Variants in STAG1 observed in about 807,000 individuals in gnomAD.
The protein encoded by STAG1 is cohesin subunit SA-1.
In STAG1, 26 loss-of-function variants were observed where a neutral mutation model predicts 170.9. That is an observed-to-expected ratio of 0.15 (90% confidence interval 0.11 to 0.21). STAG1 has a LOEUF of 0.21. Ranked by LOEUF, STAG1 falls within the 10% of genes least tolerant of loss-of-function variation. The pLI is 1.00. For missense variants in STAG1, 964 were observed against 1,509.5 expected (o/e 0.64, Z 5.99); for synonymous variants, 514 against 497.7 (o/e 1.03, Z -0.44).
Position 136,739,515 on chromosome 3 carries a change from A to G in STAG1, c.-84+12680T>C, listed in dbSNP as rs559144033. On this transcript the variant is annotated intron_variant, in intron 1 of 33. Coordinates refer to ENST00000383202, the MANE Select transcript of STAG1 (RefSeq NM_005862.3). Reference sequence around the variant, plus strand: ...CAACAGACTCCGTCAAAAAAAAAAAAAAAAGAAAAAAAAAAAAAGAAAGGC... The same window carrying G: ...CAACAGACTCCGTCAAAAAAAAAAAGAAAAGAAAAAAAAAAAAAGAAAGGC... Among the ~76,000 whole-genome samples, 874 of 149,108 alleles carry G rather than the reference A, an allele frequency of 5.9e-3. 3 individuals are homozygous for G. Among genetic ancestry groups the G allele is most frequent in the Non-Finnish European group, 9.2e-3 (624 of 67,466 alleles).
chr3:136,509,300 A>G (rs1462321483), intron 7 of STAG1, among the ~76,000 whole-genome samples: 1 of 152,194 alleles, frequency 6.6e-6, no homozygotes, highest in African/African-American at 2.4e-5. Flanking sequence ...CTTTGAGGAG[A>G]AAGTATAAAA....
chr3:136,413,241 CTATA>C (rs1428135551), intron 21 of STAG1, among the ~76,000 whole-genome samples: 1 of 147,474 alleles, frequency 6.8e-6, no homozygotes, highest in Non-Finnish European at 1.5e-5. Flanking sequence ...ATAATGTATA[CTATA>C]TATAATATAT....
At chr3:136,644,814 C>T (rs1273816833) in intron 1 of STAG1, among the ~76,000 whole-genome samples, 4 of 152,076 alleles carry the variant, frequency 2.6e-5, no homozygotes, top group Non-Finnish European at 5.9e-5. Flanking sequence ...TCCCCTTCAC[C>T]GGCTCAAGCC....
At chr3:136,716,394 C>A (rs548507901) in intron 1 of STAG1, among the ~76,000 whole-genome samples, 3 of 151,604 alleles carry the variant, frequency 2.0e-5, no homozygotes, top group Non-Finnish European at 2.9e-5. Context: ...ACCCTACAGG[C>A]AGCGGTTGCA....
chr3:136,596,863 A>C (rs528334953), intron 4 of STAG1, among the ~76,000 whole-genome samples: 1 of 152,318 alleles, frequency 6.6e-6, no homozygotes, highest in South Asian at 2.1e-4. Flanking sequence ...GCTTGAGGCC[A>C]GGAGTTCAAG....
intron 15 of STAG1, among the ~76,000 whole-genome samples, chr3:136,438,231 GTTTCT>G (rs1272290156): frequency 7.6e-6 from 1 of 131,022 alleles, no homozygotes; most frequent in African/African-American, 2.6e-5. Flanking sequence ...TTATCGTTTA[GTTTCT>G]TTTCTTTTTT....
At chr3:136,718,342 T>C (rs1239370691) in intron 1 of STAG1, among the ~76,000 whole-genome samples, 2 of 152,186 alleles carry the variant, frequency 1.3e-5, no homozygotes, top group African/African-American at 4.8e-5. Context: ...TTCATCTGTA[T>C]TGTATGAAAT....
At chr3:136,650,121 G>C (rs1304445517) in intron 1 of STAG1, among the ~76,000 whole-genome samples, 4 of 151,438 alleles carry the variant, frequency 2.6e-5, no homozygotes, top group African/African-American at 9.7e-5. Flanking sequence ...CTGTAGCCCC[G>C]GCTACTCTGG....
intron 4 of STAG1, among the ~76,000 whole-genome samples, chr3:136,603,474 T>C (rs1208307379): frequency 1.3e-5 from 2 of 152,158 alleles, no homozygotes; most frequent in Non-Finnish European, 2.9e-5. Context: ...ATGATAGTGA[T>C]AAAAATATAC....
chr3:136,342,022 A>T (rs977014548), intron 30 of STAG1, among the ~76,000 whole-genome samples: 22 of 145,808 alleles, frequency 1.5e-4, no homozygotes, highest in African/African-American at 5.3e-4. Context: ...CCTCTAAGGA[A>T]TTTTTTTTTT....
At chr3:136,540,847 A>AC (rs1935859912) in intron 6 of STAG1, among the ~76,000 whole-genome samples, 1 of 145,460 alleles carries the variant, frequency 6.9e-6, no homozygotes, top group East Asian at 1.9e-4. Flanking sequence ...AAAAAAAAAA[A>AC]AAAAACCTAT....
chr3:136,540,821 C>CAAAAAAA (rs1425631397), intron 6 of STAG1, among the ~76,000 whole-genome samples: 1 of 11,196 alleles, frequency 8.9e-5, no homozygotes, highest in Non-Finnish European at 1.6e-4. Context: ...AACTGTGTCT[C>CAAAAAAA]CAAAAAAAAA....
chr3:136,635,985 C>T lies in STAG1; in HGVS notation c.-83-5004G>A, dbSNP rs113975418. 1.8e-4 allele frequency among the ~76,000 whole-genome samples: 28 copies of T among 152,294 alleles called. 1 individual carries two copies. The highest frequency in any genetic ancestry group is 6.3e-4 in the African/African-American group (26 of 41,572). On this transcript the variant is annotated intron_variant, in intron 1 of 33. Coordinates refer to ENST00000383202, the MANE Select transcript of STAG1 (RefSeq NM_005862.3). ...TCCAGAGGCCGGGCACCATGGCTCA[C>T]GCCTGTAATCCCAGCACTTTGGGAA...
intron 3 of STAG1, among the ~76,000 whole-genome samples, chr3:136,615,351 T>G (rs1315352719): frequency 2.1e-5 from 3 of 141,066 alleles, no homozygotes; most frequent in African/African-American, 5.1e-5. Context: ...CCACACTTTT[T>G]CATAAAATGG....
At chr3:136,360,871 T>A (rs1936837446) in intron 26 of STAG1, among the ~76,000 whole-genome samples, 1 of 152,248 alleles carries the variant, frequency 6.6e-6, no homozygotes, top group East Asian at 1.9e-4. Context: ...GGTTTCACCA[T>A]GTTAGCCAGG....
chr3:136,360,470 ATTTCT>A (rs1367545912), intron 26 of STAG1, among the ~76,000 whole-genome samples: 1 of 152,266 alleles, frequency 6.6e-6, no homozygotes, highest in East Asian at 1.9e-4. Context: ...TATTGTTGAC[ATTTCT>A]TTTCTTCAGT....
At chr3:136,438,731 C>T (rs1390396695) in intron 15 of STAG1, among the ~76,000 whole-genome samples, 2 of 151,982 alleles carry the variant, frequency 1.3e-5, no homozygotes, top group Non-Finnish European at 2.9e-5. Context: ...TAGTATAACA[C>T]TATACGCTCA....
chr3:136,366,009 CT>C (rs113681272), intron 25 of STAG1, among the ~76,000 whole-genome samples: 7 of 151,884 alleles, frequency 4.6e-5, no homozygotes, highest in African/African-American at 1.4e-4. Flanking sequence ...GAAGTCTTCT[CT>C]TGCTCCTCTC....
At chr3:136,520,266 T>C (rs986287802) in intron 7 of STAG1, among the ~76,000 whole-genome samples, 1 of 152,142 alleles carries the variant, frequency 6.6e-6, no homozygotes, top group African/African-American at 2.4e-5. Context: ...TAGGTGATTC[T>C]GGTGTGTGCT....
Sources: gnomAD v4.1 joint callset for allele counts (sites outside exome capture counted in the v4.1 genomes callset) on GRCh38, gnomAD v4.1.1 for gene constraint, MANE v1.5 for transcripts, NCBI Gene and HGNC (gene_info 2026-07-23, HGNC 2026-07-21) for gene names.